MAD1L1: variants seen among roughly 807,000 people sequenced by gnomAD.
MAD1L1 encodes the protein mitotic arrest deficient 1 like 1, also known as mitotic spindle assembly checkpoint protein MAD1.
A neutral mutation model predicts 96.9 loss-of-function variants in MAD1L1; 95 were observed. That is an observed-to-expected ratio of 0.98 (90% CI 0.83 to 1.16). The LOEUF is 1.16. Among genes scored for constraint, MAD1L1 ranks in the 50% most tolerant of loss-of-function variants. The probability of loss-of-function intolerance (pLI) is 0.00; values close to 1 mark genes in which losing one functional copy is unlikely to be tolerated. For missense variants in MAD1L1, 1,007 were observed against 954.4 expected (o/e 1.06, Z -0.73); for synonymous variants, 473 against 396.6 (o/e 1.19, Z -2.29).
rs368731492 is a variant in MAD1L1, at chr7:1,945,636, GT to G, written c.1597-8740del. Among the ~76,000 whole-genome samples, 49 of 152,320 alleles carry G rather than the reference GT, an allele frequency of 3.2e-4. No individual in the cohort carries two copies. The East Asian group carries it at 7.5e-3, about 23-fold the overall frequency. The stretch of plus-strand genomic sequence containing the variant: ...AGCGGCCATCTGCAGACGCCATGGG[GT>G]GCCGGGCCCGGCCAGTGCTCTGTGA... On this transcript the variant is annotated intron_variant, in intron 16 of 18. Transcript: ENST00000265854.
At position 1,989,237 on chromosome 7, in the gene MAD1L1, C is replaced by T. The variant is rs1290671192; in HGVS notation, c.1417-8696G>A. Among the ~76,000 whole-genome samples, 4 of 152,208 alleles carry T rather than the reference C, an allele frequency of 2.6e-5. 1 individual carries two copies. The highest frequency in any genetic ancestry group is 4.4e-5 in the Non-Finnish European group (3 of 68,038). On this transcript the variant is annotated intron_variant, in intron 14 of 18. Transcript: ENST00000265854. Reference sequence around the variant, plus strand: ...CTCTAACGAAACGTGGAAAATTTCACACCCGCCAGGACGGCTCTAACGAAA... The same window carrying T: ...CTCTAACGAAACGTGGAAAATTTCATACCCGCCAGGACGGCTCTAACGAAA...
chr7:2,133,237 G>A (rs1788601486), intron 11 of MAD1L1, among the ~76,000 whole-genome samples: 2 of 149,884 alleles, frequency 1.3e-5, no homozygotes, highest in African/African-American at 2.5e-5. Flanking sequence ...ATCTCCTCAT[G>A]TGCTTCTCCG....
At chr7:2,071,051 G>C (rs1785102085) in intron 11 of MAD1L1, among the ~76,000 whole-genome samples, 1 of 151,774 alleles carries the variant, frequency 6.6e-6, no homozygotes, top group African/African-American at 2.4e-5. Context: ...TTGGGGAAGG[G>C]AAAGCTTCAT....
rs1283556181 is a variant in MAD1L1, at chr7:2,088,556, C to G, written c.1074-19218G>C. Among the ~76,000 whole-genome samples, 1 of 152,238 alleles carries G rather than the reference C, an allele frequency of 6.6e-6. No individual in the cohort carries two copies. The highest frequency in any genetic ancestry group is 2.4e-5 in the African/African-American group (1 of 41,456). ...CCACTGCACGTGCACATCCATCTCCCTGGGAGGCCGGGGAGATCAGGACGG... is the reference window on the plus strand; with the variant it reads ...CCACTGCACGTGCACATCCATCTCCGTGGGAGGCCGGGGAGATCAGGACGG... On this transcript the variant is annotated intron_variant, in intron 11 of 18. Coordinates refer to ENST00000265854, the MANE Select transcript of MAD1L1 (RefSeq NM_001013836.2). The surrounding 1 kb of genome is among the most constrained non-coding windows in gnomAD (Gnocchi z 4.4).
chr7:2,010,312 C>T (rs1474572896), intron 13 of MAD1L1, among the ~76,000 whole-genome samples: 7 of 152,066 alleles, frequency 4.6e-5, no homozygotes, highest in Admixed American at 1.3e-4. Context: ...GAAGGGAAGA[C>T]GGAAACACCG....
chr7:2,000,100 C>G (rs1043358666), intron 14 of MAD1L1, among the ~76,000 whole-genome samples: 2 of 152,006 alleles, frequency 1.3e-5, no homozygotes, highest in Non-Finnish European at 2.9e-5. Context: ...AAGCCTCCAG[C>G]CCTGTGCATC....
intron 18 of MAD1L1, among the ~76,000 whole-genome samples, chr7:1,888,610 ATGTG>A (rs1293144818): frequency 1.3e-5 from 2 of 150,144 alleles, no homozygotes; most frequent in Middle Eastern, 3.3e-3. Flanking sequence ...CTGCCTATGC[ATGTG>A]TGAGCATGCA....
At chr7:2,028,421 T>C (rs1378174775) in intron 12 of MAD1L1, among the ~76,000 whole-genome samples, 1 of 105,810 alleles carries the variant, frequency 9.5e-6, no homozygotes, top group Non-Finnish European at 1.7e-5. Context: ...CAAGACTCCA[T>C]CTCAAAAAAA....
At chr7:1,818,933 A>C (rs1289812206) in intron 18 of MAD1L1, among the ~76,000 whole-genome samples, 1 of 152,086 alleles carries the variant, frequency 6.6e-6, no homozygotes, top group African/African-American at 2.4e-5. Flanking sequence ...ACACGAAGGC[A>C]GACCCAGCGT....
intron 15 of MAD1L1, among the ~76,000 whole-genome samples, chr7:1,963,008 T>C (rs976553379): frequency 6.6e-6 from 1 of 152,118 alleles, no homozygotes; most frequent in Non-Finnish European, 1.5e-5. Flanking sequence ...TGCATGCTGG[T>C]GAGGAGAAGC....
intron 16 of MAD1L1, among the ~76,000 whole-genome samples, chr7:1,945,065 C>T (rs947400594): frequency 1.3e-5 from 2 of 152,210 alleles, no homozygotes; most frequent in African/African-American, 2.4e-5. Context: ...GAGACCCTCC[C>T]GCTAGATGGG....
intron 6 of MAD1L1, among the ~76,000 whole-genome samples, chr7:2,218,432 T>C (rs989793633): frequency 1.3e-5 from 2 of 152,206 alleles, no homozygotes; most frequent in Non-Finnish European, 2.9e-5. Flanking sequence ...ACTACGGAAC[T>C]AGAACTCTCC....
At chr7:1,827,257 G>A (rs1303524886) in intron 18 of MAD1L1, among the ~76,000 whole-genome samples, 3 of 152,250 alleles carry the variant, frequency 2.0e-5, no homozygotes, top group Non-Finnish European at 4.4e-5. Flanking sequence ...TGGCCCCGAG[G>A]GCAGCAGGAG....
rs141671703 is a variant in MAD1L1 at position 1,858,020 on chromosome 7, C to T, written c.1998+40180G>A. ...ACAGAGCCCGAACTTTCCTCCCTGC[C>T]TGTATTAATTATGACGGAGTAAACA... On this transcript the variant is annotated intron_variant, in intron 18 of 18. Coordinates refer to ENST00000265854, the MANE Select transcript of MAD1L1 (RefSeq NM_001013836.2). Among the ~76,000 whole-genome samples, 9 of 152,374 alleles carry T rather than the reference C, an allele frequency of 5.9e-5. No individual in the cohort carries two copies. In the East Asian group the frequency reaches 1.7e-3, roughly 29 times the overall value.
At chr7:1,953,048 A>T (rs1232718976) in intron 16 of MAD1L1, among the ~76,000 whole-genome samples, 2 of 152,150 alleles carry the variant, frequency 1.3e-5, no homozygotes, top group Non-Finnish European at 2.9e-5. Context: ...GGGCAGCTGC[A>T]GCGTTGGTGG....
chr7:1,882,871 T>A (rs573747319), intron 18 of MAD1L1, among the ~76,000 whole-genome samples: 1 of 152,204 alleles, frequency 6.6e-6, no homozygotes, highest in South Asian at 2.1e-4. Context: ...TTTAGAAATG[T>A]AGAGAACTGA....
chr7:2,061,341 A>G (rs1784650841), intron 12 of MAD1L1, among the ~76,000 whole-genome samples: 1 of 150,422 alleles, frequency 6.6e-6, no homozygotes, highest in African/African-American at 2.4e-5. Flanking sequence ...CGTCTCAAAA[A>G]ATAATAATAA....
chr7:2,072,832 G>A (rs73048954), intron 11 of MAD1L1, among the ~76,000 whole-genome samples: 4,042 of 152,308 alleles, frequency 0.027, 93 homozygotes, highest in South Asian at 0.09. Flanking sequence ...CTTGAAGGGG[G>A]CCCAGCAAAC....
chr7:2,100,838 C>A (rs1443860624), intron 11 of MAD1L1, among the ~76,000 whole-genome samples: 1 of 152,226 alleles, frequency 6.6e-6, no homozygotes, highest in South Asian at 2.1e-4. Flanking sequence ...CAAGCCCCAG[C>A]GACTGGAGGC....
Sources: allele counts gnomAD v4.1 joint callset (sites outside exome capture counted in the v4.1 genomes callset), GRCh38; gene constraint gnomAD v4.1.1; non-coding constraint Gnocchi (gnomAD v3.1); transcripts MANE v1.5; gene names NCBI Gene and HGNC (gene_info 2026-07-23, HGNC 2026-07-21).